The following NRG3 variants were observed in gnomAD, a reference collection of about 807,000 sequenced individuals.
NRG3 encodes neuregulin 3, also known as pro-neuregulin-3, membrane-bound isoform.
A neutral mutation model predicts 66.9 loss-of-function variants in NRG3; 31 were observed. The observed-to-expected ratio is 0.46, with a 90% CI of 0.35 to 0.63. NRG3 has a LOEUF of 0.63. Ranked by LOEUF, NRG3 falls within the 20% of genes least tolerant of loss-of-function variation. The pLI is 0.00. For synonymous variants in NRG3, 393 were observed against 359.4 expected (o/e 1.09, Z -1.06); for missense variants, 910 against 878.9 (o/e 1.04, Z -0.45).
intron 1 of NRG3, among the ~76,000 whole-genome samples, chr10:82,056,031 C>T (rs2063832084): frequency 6.6e-6 from 1 of 152,146 alleles, no homozygotes; most frequent in Admixed American, 6.6e-5. Context: ...GTTTCGAAGA[C>T]CACTTGAGGC....
intron 2 of NRG3, among the ~76,000 whole-genome samples, chr10:82,621,916 G>A (rs1312436009): frequency 6.6e-6 from 1 of 152,192 alleles, no homozygotes; most frequent in Non-Finnish European, 1.5e-5. Flanking sequence ...TAGAAACCAT[G>A]TAATAACCGT....
At chr10:82,399,248 T>A (rs534742651) in intron 2 of NRG3, among the ~76,000 whole-genome samples, 1 of 152,334 alleles carries the variant, frequency 6.6e-6, no homozygotes, top group South Asian at 2.1e-4. Flanking sequence ...ATAATTTTTT[T>A]ATTTGTTCTA....
intron 2 of NRG3, among the ~76,000 whole-genome samples, chr10:82,653,976 C>T (rs930864470): frequency 3.3e-5 from 5 of 152,116 alleles, no homozygotes; most frequent in Non-Finnish European, 5.9e-5. Flanking sequence ...TTTCTTTCAA[C>T]GAGACTCTGT....
intron 4 of NRG3, among the ~76,000 whole-genome samples, chr10:82,877,252 G>T (rs1052704464): frequency 1.3e-5 from 2 of 151,914 alleles, no homozygotes; most frequent in African/African-American, 4.8e-5. Flanking sequence ...GCTCATGATG[G>T]TTCAGCCAGT....
At chr10:82,815,456 T>C (rs1481559261) in intron 3 of NRG3, among the ~76,000 whole-genome samples, 2 of 152,190 alleles carry the variant, frequency 1.3e-5, no homozygotes, top group East Asian at 1.9e-4. Flanking sequence ...TTTCTTTAAA[T>C]TTTTTGTGTC....
At chr10:82,239,653 A>G (rs1475043001) in intron 1 of NRG3, among the ~76,000 whole-genome samples, 1 of 152,046 alleles carries the variant, frequency 6.6e-6, no homozygotes, top group Non-Finnish European at 1.5e-5. Flanking sequence ...GTAATCTATG[A>G]CTTTTTTTGC....
chr10:82,376,758 A>G (rs1464689056), intron 2 of NRG3, among the ~76,000 whole-genome samples: 1 of 152,218 alleles, frequency 6.6e-6, no homozygotes, highest in East Asian at 1.9e-4. Flanking sequence ...CCATGGCTGC[A>G]TGTTTACAAG....
intron 1 of NRG3, among the ~76,000 whole-genome samples, chr10:82,306,305 T>C (rs1208080014): frequency 6.6e-6 from 1 of 152,142 alleles, no homozygotes; most frequent in African/African-American, 2.4e-5. Context: ...TAGATCTTGA[T>C]CAGGTACTGG....
intron 3 of NRG3, among the ~76,000 whole-genome samples, chr10:82,768,279 T>A (rs1284164800): frequency 6.6e-6 from 1 of 152,182 alleles, no homozygotes; most frequent in African/African-American, 2.4e-5. Context: ...CTAGGAGAGC[T>A]GTCTCACTTC....
At chr10:82,842,628 A>AT (rs1204083377) in intron 3 of NRG3, among the ~76,000 whole-genome samples, 1 of 152,232 alleles carries the variant, frequency 6.6e-6, no homozygotes, top group Non-Finnish European at 1.5e-5. Context: ...AGAATAGCTC[A>AT]TACAGTAGTT....
At chr10:82,710,805 A>G (rs934203003) in intron 2 of NRG3, among the ~76,000 whole-genome samples, 1 of 150,164 alleles carries the variant, frequency 6.7e-6, no homozygotes, top group African/African-American at 2.5e-5. Context: ...TGATTTTTTT[A>G]CTGGTTTTTA....
intron 1 of NRG3, among the ~76,000 whole-genome samples, chr10:82,045,874 T>C (rs1473450029): frequency 6.7e-6 from 1 of 148,704 alleles, no homozygotes; most frequent in Non-Finnish European, 1.5e-5. Context: ...GATCAGATGG[T>C]TGTAGATATG....
At chr10:82,319,087 T>C (rs1158428692) in intron 1 of NRG3, among the ~76,000 whole-genome samples, 1 of 152,238 alleles carries the variant, frequency 6.6e-6, no homozygotes, top group Non-Finnish European at 1.5e-5. Flanking sequence ...AAACATATCT[T>C]ACTGCAACCC....
intron 2 of NRG3, among the ~76,000 whole-genome samples, chr10:82,645,483 G>T (rs1440291051): frequency 6.6e-6 from 1 of 152,164 alleles, no homozygotes; most frequent in East Asian, 1.9e-4. Flanking sequence ...GCTGCTGTCA[G>T]TGTTCCAGTT....
Position 82,744,064 on chromosome 10 carries a change from C to T in NRG3, c.1027+5414C>T, listed in dbSNP as rs560687022. 3.4e-4 allele frequency among the ~76,000 whole-genome samples: 52 copies of T among 152,212 alleles called. No individual in the cohort carries two copies. The South Asian group carries it at 7.5e-3, about 22-fold the overall frequency. On this transcript the variant is annotated intron_variant, in intron 3 of 8. Coordinates refer to ENST00000372141, the MANE Select transcript of NRG3 (RefSeq NM_001010848.4). ...ATCTGTAGAACAATTCCATGGGCAT[C>T]CAGCTTAAAGAAAGTGATGGCCCTC...
intron 2 of NRG3, among the ~76,000 whole-genome samples, chr10:82,492,599 G>C (rs1235954697): frequency 6.6e-6 from 1 of 152,100 alleles, no homozygotes; most frequent in Non-Finnish European, 1.5e-5. Context: ...AGTAGTCTTA[G>C]GTATTATGAA....
At chr10:82,210,333 G>A (rs1260636609) in intron 1 of NRG3, among the ~76,000 whole-genome samples, 1 of 152,154 alleles carries the variant, frequency 6.6e-6, no homozygotes, top group African/African-American at 2.4e-5. Flanking sequence ...TGTGGAAGCA[G>A]CCTGCCTCAT....
intron 2 of NRG3, among the ~76,000 whole-genome samples, chr10:82,517,659 G>GTGTGTGCA (rs1194598880): frequency 3.1e-5 from 4 of 127,942 alleles, no homozygotes; most frequent in African/African-American, 1.5e-4. Flanking sequence ...GTGTGTGTGT[G>GTGTGTGCA]TGTGTGTGTG....
intron 2 of NRG3, among the ~76,000 whole-genome samples, chr10:82,591,149 C>T (rs1326938188): frequency 9.2e-5 from 14 of 152,116 alleles, no homozygotes; most frequent in Non-Finnish European, 1.2e-4. Flanking sequence ...GCATACGGCC[C>T]GGGTGACGGG....
Sources: allele counts gnomAD v4.1 joint callset (sites outside exome capture counted in the v4.1 genomes callset), GRCh38; gene constraint gnomAD v4.1.1; transcripts MANE v1.5; gene names NCBI Gene and HGNC (gene_info 2026-07-23, HGNC 2026-07-21).